Variants in CNTNAP2 observed in about 807,000 individuals in gnomAD.
CNTNAP2 encodes contactin associated protein 2, also known as contactin-associated protein-like 2.
A neutral mutation model predicts 155.2 loss-of-function variants in CNTNAP2; 98 were observed. The ratio of observed to expected loss-of-function variants is 0.63; its 90% CI spans 0.54 to 0.75. The LOEUF is 0.75. Among genes scored for constraint, CNTNAP2 ranks in the 30% least tolerant of loss-of-function variants. The probability of loss-of-function intolerance (pLI) is 0.00; values close to 1 mark genes in which losing one functional copy is unlikely to be tolerated. For synonymous variants in CNTNAP2, 651 were observed against 631.2 expected, an observed-to-expected ratio of 1.03 and a Z score of -0.47; for missense variants, 1,727 against 1,688.1, an observed-to-expected ratio of 1.02 and a Z score of -0.40.
At chr7:146,389,714 T>C (rs1279287530) in intron 1 of CNTNAP2, among the ~76,000 whole-genome samples, 1 of 149,474 alleles carries the variant, frequency 6.7e-6, no homozygotes, top group East Asian at 1.9e-4. Flanking sequence ...TTTTTTTTTT[T>C]TTTTGAGACA....
chr7:146,512,113 T>A (rs1325458586), intron 1 of CNTNAP2, among the ~76,000 whole-genome samples: 2 of 151,986 alleles, frequency 1.3e-5, no homozygotes, highest in South Asian at 4.1e-4. Flanking sequence ...TTTTGTGATG[T>A]CATTAAATAC....
intron 15 of CNTNAP2, among the ~76,000 whole-genome samples, chr7:148,073,790 C>A (rs998557879): frequency 6.6e-6 from 1 of 151,430 alleles, no homozygotes; most frequent in South Asian, 2.1e-4. Flanking sequence ...TCAATAAATA[C>A]AGCAGGCCCT....
intron 13 of CNTNAP2, among the ~76,000 whole-genome samples, chr7:147,663,106 C>G (rs1342338570): frequency 6.6e-6 from 1 of 152,184 alleles, no homozygotes; most frequent in African/African-American, 2.4e-5. Flanking sequence ...TCAAGTGATT[C>G]TCCTGCCTCA....
At chr7:146,170,018 C>CTTTT (rs71175637) in intron 1 of CNTNAP2, among the ~76,000 whole-genome samples, 7 of 126,970 alleles carry the variant, frequency 5.5e-5, no homozygotes, top group East Asian at 2.3e-4. Context: ...CCTTTCTTTT[C>CTTTT]TTTTTTTTTT....
At chr7:147,162,544 AT>A (rs1296669260) in intron 8 of CNTNAP2, among the ~76,000 whole-genome samples, 1 of 152,160 alleles carries the variant, frequency 6.6e-6, no homozygotes, top group Non-Finnish European at 1.5e-5. Flanking sequence ...TGCTGAAAAT[AT>A]TTGTTTATAA....
At chr7:148,331,576 ATGGAATGGATG>A in intron 21 of CNTNAP2, among the ~76,000 whole-genome samples, 1 of 83,978 alleles carries the variant, frequency 1.2e-5, no homozygotes, top group East Asian at 3.7e-4. Flanking sequence ...GAGTGGATGG[ATGGAATGGATG>A]GATGGAATGG....
At chr7:146,179,687 C>T (rs1273624631) in intron 1 of CNTNAP2, among the ~76,000 whole-genome samples, 3 of 152,044 alleles carry the variant, frequency 2.0e-5, no homozygotes, top group Non-Finnish European at 4.4e-5. Flanking sequence ...GGTCATAGAG[C>T]CCATCTTCAT....
chr7:147,542,703 G>A (rs528878653), intron 11 of CNTNAP2, among the ~76,000 whole-genome samples: 2 of 152,248 alleles, frequency 1.3e-5, no homozygotes, highest in East Asian at 1.9e-4. Context: ...AACAGGTTTG[G>A]TGTCATGCTA....
intron 1 of CNTNAP2, among the ~76,000 whole-genome samples, chr7:146,643,513 A>G (rs1037260851): frequency 1.4e-4 from 22 of 151,808 alleles, no homozygotes; most frequent in Admixed American, 1.4e-3. Flanking sequence ...TGTTCCATTG[A>G]TCTATATCTC....
intron 11 of CNTNAP2, among the ~76,000 whole-genome samples, chr7:147,519,400 C>A (rs1333534680): frequency 6.6e-6 from 1 of 152,174 alleles, no homozygotes; most frequent in African/African-American, 2.4e-5. Context: ...TCTAAAAAAT[C>A]TAAAATAATC....
chr7:146,837,024 A>G (rs1194073683), intron 2 of CNTNAP2, among the ~76,000 whole-genome samples: 4 of 152,254 alleles, frequency 2.6e-5, no homozygotes, highest in African/African-American at 9.6e-5. Context: ...ATCGTCTTTC[A>G]GCAAATAATT....
chr7:148,062,808 G>C (rs1803181968), intron 15 of CNTNAP2, among the ~76,000 whole-genome samples: 1 of 152,128 alleles, frequency 6.6e-6, no homozygotes, highest in Non-Finnish European at 1.5e-5. Context: ...TGATGTAAGA[G>C]CAGAGCTTAA....
At chr7:148,218,107 CAG>C (rs1430030487) in intron 19 of CNTNAP2, among the ~76,000 whole-genome samples, 1 of 152,174 alleles carries the variant, frequency 6.6e-6, no homozygotes, top group Admixed American at 6.5e-5. Context: ...GGCTGGGCAA[CAG>C]AGTGAGACCC....
intron 1 of CNTNAP2, among the ~76,000 whole-genome samples, chr7:146,356,098 A>G (rs1013958623): frequency 2.0e-5 from 3 of 149,756 alleles, no homozygotes; most frequent in Non-Finnish European, 4.5e-5. Flanking sequence ...CACACACGGG[A>G]GTTTACAACC....
chr7:147,428,270 C>G (rs1296618572), intron 10 of CNTNAP2, among the ~76,000 whole-genome samples: 1 of 152,118 alleles, frequency 6.6e-6, no homozygotes, highest in Admixed American at 6.6e-5. Context: ...GCCTTATAAC[C>G]TACTCAATAA....
intron 15 of CNTNAP2, among the ~76,000 whole-genome samples, chr7:148,112,929 A>G (rs974898884): frequency 2.0e-5 from 3 of 151,970 alleles, no homozygotes; most frequent in South Asian, 2.1e-4. Flanking sequence ...TCTCTAAGGA[A>G]TTGGGAAGGG....
intron 3 of CNTNAP2, among the ~76,000 whole-genome samples, chr7:146,872,839 T>G (rs1028734513): frequency 6.6e-6 from 1 of 152,218 alleles, no homozygotes; most frequent in Non-Finnish European, 1.5e-5. Context: ...GTCATGCAAA[T>G]GGTTCAGTGT....
chr7:146,192,624 C>G (rs1469938827), intron 1 of CNTNAP2, among the ~76,000 whole-genome samples: 1 of 152,142 alleles, frequency 6.6e-6, no homozygotes, highest in Non-Finnish European at 1.5e-5. Flanking sequence ...ATTCAGTTAC[C>G]TCACACTGGA....
At chr7:147,222,705 G>A in intron 8 of CNTNAP2, among the ~76,000 whole-genome samples, 1 of 151,824 alleles carries the variant, frequency 6.6e-6, no homozygotes, top group East Asian at 1.9e-4. Context: ...GTAATGTGGT[G>A]GTAAGGTATA....
Sources: gnomAD v4.1 joint callset for allele counts (sites outside exome capture counted in the v4.1 genomes callset) on GRCh38, gnomAD v4.1.1 for gene constraint, MANE v1.5 for transcripts, NCBI Gene and HGNC (gene_info 2026-07-23, HGNC 2026-07-21) for gene names.